The following TCF12 variants were observed in gnomAD, a reference collection of about 807,000 sequenced individuals.
TCF12 encodes the protein DNA-binding protein HTF4.
Under a neutral mutation model 86.0 loss-of-function variants are expected in TCF12, and 45 were observed. The ratio of observed to expected loss-of-function variants is 0.52; its 90% CI spans 0.41 to 0.67. The LOEUF (loss-of-function observed/expected upper bound fraction) is 0.67, where lower values mean the gene tolerates loss of function less well. Among genes scored for constraint, TCF12 ranks in the 30% least tolerant of loss-of-function variants. TCF12 has a pLI of 0.00. For missense variants in TCF12, 881 were observed against 859.9 expected, an observed-to-expected ratio of 1.02 and a Z score of -0.31; for synonymous variants, 330 against 299.6, an observed-to-expected ratio of 1.10 and a Z score of -1.05.
At chr15:57,036,897 T>A in intron 3 of TCF12, among the ~76,000 whole-genome samples, 1 of 152,164 alleles carries the variant, frequency 6.6e-6, no homozygotes, top group Admixed American at 6.6e-5. Flanking sequence ...AAGCAAATCC[T>A]ATATTGTTTT....
At chr15:57,212,670 A>G (rs563214013) in intron 8 of TCF12, among the ~76,000 whole-genome samples, 5 of 152,350 alleles carry the variant, frequency 3.3e-5, no homozygotes, top group South Asian at 2.1e-4. Flanking sequence ...ATAGGAATTC[A>G]GAGTTTTGGG....
chr15:56,992,092 A>G (rs1475811563), intron 3 of TCF12, among the ~76,000 whole-genome samples: 1 of 151,246 alleles, frequency 6.6e-6, no homozygotes, highest in Admixed American at 6.6e-5. Flanking sequence ...TGTCTCTACT[A>G]AAAAAAAGCC....
At chr15:57,060,230 A>C (rs1213324018) in intron 3 of TCF12, among the ~76,000 whole-genome samples, 1 of 152,176 alleles carries the variant, frequency 6.6e-6, no homozygotes, top group Non-Finnish European at 1.5e-5. Context: ...AAAGAGGCGG[A>C]TTGCTTTTGT....
intron 3 of TCF12, among the ~76,000 whole-genome samples, chr15:57,041,396 T>A (rs542810618): frequency 6.6e-6 from 1 of 152,350 alleles, no homozygotes; most frequent in East Asian, 1.9e-4. Flanking sequence ...AAATTAGGTG[T>A]TATGTCTATG....
chr15:57,150,153 G>A (rs2053637816), intron 5 of TCF12, among the ~76,000 whole-genome samples: 1 of 152,190 alleles, frequency 6.6e-6, no homozygotes, highest in Non-Finnish European at 1.5e-5. Context: ...TCAGAATTCA[G>A]AGAAGCTATG....
chr15:57,157,258 G>A (rs1439492493), intron 5 of TCF12, among the ~76,000 whole-genome samples: 1 of 151,140 alleles, frequency 6.6e-6, no homozygotes, highest in African/African-American at 2.4e-5. Flanking sequence ...TTTTTAAAGA[G>A]TACACATTCA....
intron 3 of TCF12, among the ~76,000 whole-genome samples, chr15:57,003,339 T>G (rs2064160029): frequency 1.3e-5 from 2 of 152,198 alleles, no homozygotes; most frequent in Admixed American, 1.3e-4. Context: ...ATGTTTTATG[T>G]GTGTTTCTGT....
At chr15:57,063,084 C>A (rs1208947876) in intron 3 of TCF12, among the ~76,000 whole-genome samples, 6 of 152,166 alleles carry the variant, frequency 3.9e-5, no homozygotes, top group Non-Finnish European at 7.4e-5. Context: ...GCACCTAATT[C>A]TTTCTCACTG....
At chr15:57,132,256 A>G (rs12914182) in intron 5 of TCF12, among the ~76,000 whole-genome samples, 58,774 of 152,096 alleles carry the variant, frequency 0.39, 14,195 homozygotes, top group Non-Finnish European at 0.53. Context: ...TTTTCATCAA[A>G]TGTGTACATT....
At chr15:57,020,633 A>T (rs537154857) in intron 3 of TCF12, among the ~76,000 whole-genome samples, 1 of 152,210 alleles carries the variant, frequency 6.6e-6, no homozygotes, top group African/African-American at 2.4e-5. Context: ...CATCTACTAA[A>T]TAGATGGATA....
intron 5 of TCF12, among the ~76,000 whole-genome samples, chr15:57,155,482 A>G (rs1467697712): frequency 6.6e-6 from 1 of 152,178 alleles, no homozygotes; most frequent in Non-Finnish European, 1.5e-5. Flanking sequence ...TTTTGTCCTC[A>G]TGTAGCAAGA....
chr15:57,132,014 G>A (rs1242820756), intron 5 of TCF12, among the ~76,000 whole-genome samples: 1 of 152,104 alleles, frequency 6.6e-6, no homozygotes, highest in East Asian at 1.9e-4. Flanking sequence ...AGCCTGGCAT[G>A]GTGGCATGTA....
chr15:57,205,987 T>G (rs1382061605), intron 8 of TCF12, among the ~76,000 whole-genome samples: 3 of 152,240 alleles, frequency 2.0e-5, no homozygotes, highest in Non-Finnish European at 4.4e-5. Flanking sequence ...AGAACATGGC[T>G]GCATTTCATT....
chr15:57,093,525 A>C (rs1462112117), intron 5 of TCF12, among the ~76,000 whole-genome samples: 1 of 152,240 alleles, frequency 6.6e-6, no homozygotes, highest in Non-Finnish European at 1.5e-5. Context: ...TTTCATCATT[A>C]GTACAGCTTT....
chr15:57,197,094 G>T (rs2057301315), intron 7 of TCF12, among the ~76,000 whole-genome samples: 1 of 148,188 alleles, frequency 6.7e-6, no homozygotes, highest in Non-Finnish European at 1.5e-5. Flanking sequence ...TACACTAAGT[G>T]CCCCTCTGCA....
At chr15:57,139,909 C>G (rs2052833737) in intron 5 of TCF12, among the ~76,000 whole-genome samples, 1 of 152,182 alleles carries the variant, frequency 6.6e-6, no homozygotes, top group Non-Finnish European at 1.5e-5. Flanking sequence ...ATCATTCAGT[C>G]ATTATCAGTA....
At chr15:57,271,778 A>G (rs1222698855) in intron 18 of TCF12, among the ~76,000 whole-genome samples, 1 of 152,220 alleles carries the variant, frequency 6.6e-6, no homozygotes, top group Non-Finnish European at 1.5e-5. Context: ...GTTTTGGATC[A>G]GCTTTATTGA....
rs146462244 is a variant in TCF12 at position 57,257,751 on chromosome 15, G to A, written c.1467+4283G>A. 1.2e-3 allele frequency among the ~76,000 whole-genome samples: 179 copies of A among 151,596 alleles called. 1 individual carries two copies. The highest frequency in any genetic ancestry group is 4.1e-3 in the African/African-American group (169 of 41,282). ...CAGCCTGCAGTACGGACAAGTCAGT[G>A]ATCAAGGTTACTAGCAGTGTAAGGT... On this transcript the variant is annotated intron_variant, in intron 16 of 20. Coordinates refer to ENST00000333725, the MANE Select transcript of TCF12 (RefSeq NM_207037.2).
chr15:57,272,190 T>C (rs536759668), intron 18 of TCF12, among the ~76,000 whole-genome samples: 1 of 152,374 alleles, frequency 6.6e-6, no homozygotes, highest in South Asian at 2.1e-4. Context: ...TATTATTAAA[T>C]CCCAATATGT....
Sources: allele counts gnomAD v4.1 joint callset (sites outside exome capture counted in the v4.1 genomes callset), GRCh38; gene constraint gnomAD v4.1.1; transcripts MANE v1.5; gene names NCBI Gene and HGNC (gene_info 2026-07-23, HGNC 2026-07-21).